CADM1: variants seen among roughly 807,000 people sequenced by gnomAD.
CADM1 encodes the protein TSLC-1.
Under a neutral mutation model 53.1 loss-of-function variants are expected in CADM1, and 15 were observed. The ratio of observed to expected loss-of-function variants is 0.28; its 90% CI spans 0.19 to 0.44. The LOEUF (loss-of-function observed/expected upper bound fraction) is 0.44. Ranked by LOEUF, CADM1 falls within the 20% of genes least tolerant of loss-of-function variation. The pLI, the probability that CADM1 is intolerant of heterozygous loss-of-function variation, is 1.00. For synonymous variants in CADM1, 281 were observed against 243.0 expected, an observed-to-expected ratio of 1.16 and a Z score of -1.45; for missense variants, 434 against 611.3, an observed-to-expected ratio of 0.71 and a Z score of 3.06.
chr11:115,320,855 T>A (rs1477935017), intron 1 of CADM1, among the ~76,000 whole-genome samples: 3 of 152,130 alleles, frequency 2.0e-5, no homozygotes, highest in African/African-American at 7.2e-5. Context: ...CCAAAGAGAA[T>A]TTATATTCTC....
intron 1 of CADM1, among the ~76,000 whole-genome samples, chr11:115,347,643 C>G (rs548401460): frequency 6.6e-6 from 1 of 152,136 alleles, no homozygotes; most frequent in Non-Finnish European, 1.5e-5. Context: ...GCATTTTTAA[C>G]CACTGTAACA....
chr11:115,291,725 C>G (rs573091032), intron 1 of CADM1, among the ~76,000 whole-genome samples: 1 of 152,292 alleles, frequency 6.6e-6, no homozygotes, highest in East Asian at 1.9e-4. Flanking sequence ...CTCTCTCACC[C>G]TCACTTGGGC....
intron 1 of CADM1, among the ~76,000 whole-genome samples, chr11:115,422,839 T>A (rs1220567676): frequency 1.3e-5 from 2 of 152,192 alleles, no homozygotes; most frequent in African/African-American, 2.4e-5. Context: ...TATGATTTTA[T>A]TGAAACTGTA....
intron 1 of CADM1, among the ~76,000 whole-genome samples, chr11:115,316,906 T>C (rs1156766871): frequency 1.3e-5 from 2 of 152,138 alleles, no homozygotes; most frequent in Non-Finnish European, 2.9e-5. Flanking sequence ...AGTTAATGAA[T>C]TGCAGATCAC....
chr11:115,386,007 T>C (rs758944082), intron 1 of CADM1, among the ~76,000 whole-genome samples: 3 of 152,250 alleles, frequency 2.0e-5, no homozygotes, highest in Non-Finnish European at 4.4e-5. Flanking sequence ...TAAGATTACT[T>C]GAGTTACCTC....
At chr11:115,418,857 G>A (rs1947681088) in intron 1 of CADM1, among the ~76,000 whole-genome samples, 1 of 152,034 alleles carries the variant, frequency 6.6e-6, no homozygotes, top group African/African-American at 2.4e-5. Flanking sequence ...CTTAAAGCAC[G>A]TCAAGACAAA....
At chr11:115,414,074 C>G (rs1159666201) in intron 1 of CADM1, among the ~76,000 whole-genome samples, 1 of 152,090 alleles carries the variant, frequency 6.6e-6, no homozygotes, top group Non-Finnish European at 1.5e-5. Context: ...CACACACACA[C>G]AAAGCATACA....
chr11:115,399,131 C>T (rs1299023619), intron 1 of CADM1: 2 of 152,146 alleles, frequency 1.3e-5, no homozygotes, highest in African/African-American at 4.8e-5. Context: ...AAAAAGATAT[C>T]CAACTGAGTT....
intron 1 of CADM1, among the ~76,000 whole-genome samples, chr11:115,407,198 C>T (rs1947338534): frequency 6.6e-6 from 1 of 152,166 alleles, no homozygotes; most frequent in African/African-American, 2.4e-5. Context: ...CTAAAAAAGA[C>T]CCCATTCACC....
chr11:115,235,010 T>A (rs139897350), intron 3 of CADM1, among the ~76,000 whole-genome samples: 1 of 150,222 alleles, frequency 6.7e-6, no homozygotes, highest in Non-Finnish European at 1.5e-5. Flanking sequence ...TCCAAGCCCA[T>A]AAATAGTTTT....
chr11:115,436,085 A>C (rs550070161), intron 1 of CADM1, among the ~76,000 whole-genome samples: 84 of 152,338 alleles, frequency 5.5e-4, no homozygotes, highest in Middle Eastern at 6.8e-3. Context: ...TAATTGACAA[A>C]GATAACTACT....
At chr11:115,285,734 G>C (rs1250992706) in intron 1 of CADM1, among the ~76,000 whole-genome samples, 1 of 152,084 alleles carries the variant, frequency 6.6e-6, no homozygotes, top group Non-Finnish European at 1.5e-5. Context: ...AGAGCACACA[G>C]GCAGCTGGGG....
intron 1 of CADM1, among the ~76,000 whole-genome samples, chr11:115,328,696 ATATATG>A (rs1167903442): frequency 3.2e-4 from 5 of 15,784 alleles, no homozygotes; most frequent in African/African-American, 9.0e-4. Context: ...ATATGTGTAT[ATATATG>A]TATATATATA....
intron 1 of CADM1, among the ~76,000 whole-genome samples, chr11:115,252,400 TCTG>T (rs2134978338): frequency 6.6e-6 from 1 of 152,304 alleles, no homozygotes; most frequent in South Asian, 2.1e-4. Context: ...TCTTCCATAA[TCTG>T]CTGAATTTTT....
Position 115,309,677 on chromosome 11 carries a change from A to T in CADM1, c.125-69257T>A, listed in dbSNP as rs145444050. ...GCATCTAGGACAGTCAGACACATGG[A>T]CTAAAGGGCCAGCCGTGAGATGTTA... On this transcript the variant is annotated intron_variant, in intron 1 of 11. Transcript: ENST00000331581. Among the ~76,000 whole-genome samples the T allele has an allele frequency of 7.4e-4, 113 of 152,232 alleles. 2 individuals are homozygous for T. In the East Asian group the frequency reaches 0.022, roughly 29 times the overall value.
At chr11:115,413,125 TAA>T (rs1417166375) in intron 1 of CADM1, among the ~76,000 whole-genome samples, 4 of 152,160 alleles carry the variant, frequency 2.6e-5, no homozygotes, top group Non-Finnish European at 5.9e-5. Flanking sequence ...GGGCTGGGAA[TAA>T]AGAGACACAG....
At chr11:115,439,352 T>C (rs1948256747) in intron 1 of CADM1, among the ~76,000 whole-genome samples, 1 of 152,200 alleles carries the variant, frequency 6.6e-6, no homozygotes, top group African/African-American at 2.4e-5. Flanking sequence ...GGTTTGGGTA[T>C]AGTCTTGACT....
intron 1 of CADM1, among the ~76,000 whole-genome samples, chr11:115,413,428 C>T (rs1288793758): frequency 6.6e-6 from 1 of 152,248 alleles, no homozygotes; most frequent in East Asian, 1.9e-4. Flanking sequence ...TAACTCCTAA[C>T]ATTTATTGAG....
At chr11:115,433,458 G>A (rs1164907760) in intron 1 of CADM1, among the ~76,000 whole-genome samples, 1 of 152,116 alleles carries the variant, frequency 6.6e-6, no homozygotes, top group Non-Finnish European at 1.5e-5. Context: ...AAACCTTTTT[G>A]AGTTATGTGA....
Sources: allele counts gnomAD v4.1 joint callset (sites outside exome capture counted in the v4.1 genomes callset), GRCh38; gene constraint gnomAD v4.1.1; transcripts MANE v1.5; gene names NCBI Gene and HGNC (gene_info 2026-07-23, HGNC 2026-07-21).